The following OGFOD3 variants were observed in gnomAD, a reference collection of about 807,000 sequenced individuals.
OGFOD3 encodes the protein 2-oxoglutarate and iron-dependent oxygenase domain-containing protein 3.
A neutral mutation model predicts 39.8 loss-of-function variants in OGFOD3; 35 were observed. That is an observed-to-expected ratio of 0.88 (90% CI 0.67 to 1.17). The LOEUF (loss-of-function observed/expected upper bound fraction) is 1.17, where lower values mean the gene tolerates loss of function less well. Among genes scored for constraint, OGFOD3 ranks in the 50% most tolerant of loss-of-function variants. The pLI, the probability that OGFOD3 is intolerant of heterozygous loss-of-function variation, is 0.00. For synonymous variants in OGFOD3, 200 were observed against 192.0 expected (o/e 1.04, Z -0.34); for missense variants, 438 against 454.5 (o/e 0.96, Z 0.33).
At chr17:82,394,209 C>T (rs1437382948) in intron 8 of OGFOD3, 2 of 660,322 alleles carry the variant, frequency 3.0e-6, no homozygotes, top group African/African-American at 3.6e-5. Context: ...CCAGGATGGT[C>T]TCGATCTCCT....
chr17:82,394,766 G>A (rs1180872693), intron 8 of OGFOD3, among the ~76,000 whole-genome samples: 1 of 152,184 alleles, frequency 6.6e-6, no homozygotes, highest in Non-Finnish European at 1.5e-5. Flanking sequence ...GGTGGGACGT[G>A]GGCCACAGAG....
intron 8 of OGFOD3, among the ~76,000 whole-genome samples, chr17:82,397,825 AATCTT>A (rs2052699702): frequency 6.6e-6 from 1 of 152,090 alleles, no homozygotes. Context: ...GGCCTCGTCT[AATCTT>A]AGGTTGCGAG....
intron 7 of OGFOD3, 36 bp from the exon 8 acceptor site, chr17:82,398,355 C>G: frequency 6.2e-7 from 1 of 1,612,956 alleles, no homozygotes; most frequent in Non-Finnish European, 8.5e-7. Context: ...GCAGAATGGG[C>G]TCTCAGCATG....
intron 1 of OGFOD3, among the ~76,000 whole-genome samples, chr17:82,416,068 A>C (rs978944414): frequency 6.7e-6 from 1 of 148,280 alleles, no homozygotes; most frequent in African/African-American, 2.6e-5. Flanking sequence ...GTCTCTACTA[A>C]ATACAAAAAA....
intron 2 of OGFOD3, among the ~76,000 whole-genome samples, chr17:82,412,282 G>A (rs892663033): frequency 6.6e-6 from 1 of 151,846 alleles, no homozygotes; most frequent in Non-Finnish European, 1.5e-5. Flanking sequence ...AGGGTGGTCG[G>A]GGCAGGGGCA....
chr17:82,409,340 A>AG (rs773372479), intron 4 of OGFOD3, 28 bp downstream of exon 4: 21 of 1,610,438 alleles, frequency 1.3e-5, no homozygotes, highest in African/African-American at 2.7e-5. Context: ...GGGTAAAAAA[A>AG]GGGGGGCAGG....
chr17:82,406,371 T>C lies in OGFOD3; in HGVS notation c.488+47A>G. On this transcript the variant is annotated intron_variant, in intron 5 of 8. Coordinates refer to ENST00000313056, the MANE Select transcript of OGFOD3 (RefSeq NM_024648.3). This position sits in a 1 kb window ranked among gnomAD's most constrained non-coding sequence, Gnocchi z 5.2. ...CCATGGCTAAGAGGCACGGAGCCGC[T>C]CACTCGGCTTTCAGAGCCAGCACTG... 1 of 1,551,788 alleles carries C rather than the reference T, an allele frequency of 6.4e-7. No individual in the cohort carries two copies. Among genetic ancestry groups the C allele is most frequent in the Non-Finnish European group, 8.9e-7 (1 of 1,124,032 alleles).
intron 2 of OGFOD3, among the ~76,000 whole-genome samples, chr17:82,413,091 C>A (rs2052978415): frequency 6.6e-6 from 1 of 152,186 alleles, no homozygotes; most frequent in African/African-American, 2.4e-5. Flanking sequence ...GTTAAATGAT[C>A]TAATGGACAT....
At chr17:82,411,588 C>A (rs1322284598) in intron 2 of OGFOD3, 58 bp from the exon 3 acceptor site, 1 of 1,438,854 alleles carries the variant, frequency 6.9e-7, no homozygotes, top group East Asian at 2.3e-5. Context: ...GCATGCCCTT[C>A]CAGGGAATCA....
intron 2 of OGFOD3, among the ~76,000 whole-genome samples, chr17:82,411,912 C>T (rs1007755089): frequency 1.3e-5 from 2 of 152,150 alleles, no homozygotes; most frequent in Admixed American, 6.5e-5. Flanking sequence ...CCTCCTGAGA[C>T]CGCCAGAGAG....
rs755383091 is a variant in OGFOD3, at chr17:82,415,645, GC to G, written c.75-19del. The G allele has an allele frequency of 1.9e-6, 3 of 1,593,186 alleles. No homozygotes were observed. Among genetic ancestry groups the G allele is most frequent in the Non-Finnish European group, 1.7e-6 (2 of 1,166,548 alleles). On this transcript the variant is annotated intron_variant, in intron 1 of 8. Coordinates refer to ENST00000313056, the MANE Select transcript of OGFOD3 (RefSeq NM_024648.3). This position sits in a 1 kb window ranked among gnomAD's most constrained non-coding sequence, Gnocchi z 5.3. ...TCTTGGTGCTGAGAACAGAAAACAG[GC>G]CACGTCACCCAAACACGGAGTGAGG...
At chr17:82,403,581 G>A (rs1159028365) in intron 7 of OGFOD3, among the ~76,000 whole-genome samples, 4 of 152,050 alleles carry the variant, frequency 2.6e-5, no homozygotes, top group Admixed American at 6.5e-5. Context: ...GCAGTGAGCC[G>A]AATCGCGCCA....
At chr17:82,405,430 T>TGTTCATCTCCTTTCAGTTCAGCC in intron 5 of OGFOD3, 50 bp from the exon 6 acceptor site, 1 of 1,463,450 alleles carries the variant, frequency 6.8e-7, no homozygotes, top group Non-Finnish European at 9.6e-7. Flanking sequence ...ATTAATCTGT[T>TGTTCATCTCCTTTCAGTTCAGCC]GTTCATCTCC....
Position 82,390,101 on chromosome 17 carries a change from G to GTT in OGFOD3, c.*2296_*2297insAA, listed in dbSNP as rs1396917787. 2.0e-5 allele frequency: 3 copies of GTT among 152,160 alleles called. No homozygotes were observed. Among genetic ancestry groups the GTT allele is most frequent in the Non-Finnish European group, 4.4e-5 (3 of 68,016 alleles). The allele number at this position is 152,160 out of a possible 1,614,324, so 9.4% of individuals were successfully genotyped here. On this transcript the variant is annotated 3_prime_UTR_variant, in exon 9 of 9. Coordinates refer to ENST00000313056, the MANE Select transcript of OGFOD3 (RefSeq NM_024648.3). The surrounding 1 kb of genome is among the most constrained non-coding windows in gnomAD (Gnocchi z 4.9). ...TATCTCTGTGATTATCATGAATAGT[G>GTT]TAAGTAGCCAAGAATGAAAATCAAA...
chr17:82,401,822 A>AC (rs2052771103), intron 7 of OGFOD3, among the ~76,000 whole-genome samples: 1 of 144,704 alleles, frequency 6.9e-6, no homozygotes, highest in South Asian at 2.4e-4. Flanking sequence ...AAAAAAAAAA[A>AC]ACAAAGACTG....
At chr17:82,401,803 C>CAAAAAAAAAAAA (rs79956747) in intron 7 of OGFOD3, among the ~76,000 whole-genome samples, 72 of 61,668 alleles carry the variant, frequency 1.2e-3, no homozygotes, top group Middle Eastern at 7.9e-3. Context: ...GACTCCATCT[C>CAAAAAAAAAAAA]AAAAAAAAAA....
intron 7 of OGFOD3, 67 bp from the exon 8 acceptor site, chr17:82,398,386 T>C: frequency 6.3e-7 from 1 of 1,579,622 alleles, no homozygotes; most frequent in Non-Finnish European, 8.6e-7. Flanking sequence ...AGGTGCTGCT[T>C]CTCTCTCTTA....
At chr17:82,413,696 CA>C (rs543959386) in intron 2 of OGFOD3, among the ~76,000 whole-genome samples, 1 of 152,094 alleles carries the variant, frequency 6.6e-6, no homozygotes, top group South Asian at 2.1e-4. Flanking sequence ...ATAGGCAAAA[CA>C]CCGTCTCTAC....
Position 82,406,565 on chromosome 17 carries a change from T to C in OGFOD3, c.424-83A>G, listed in dbSNP as rs2143256113. 8.3e-7 allele frequency: 1 copy of C among 1,210,406 alleles called. No individual in the cohort carries two copies. The highest frequency in any genetic ancestry group is 1.5e-5 in the African/African-American group (1 of 67,148). The allele number at this position is 1,210,406 out of a possible 1,614,324, so 75.0% of individuals were successfully genotyped here. ...AAGTCATGGATGGTAAATGCGAGTTTCCAAGGTCTGGCCAGCACACACCTC... is the reference window on the plus strand; with the variant it reads ...AAGTCATGGATGGTAAATGCGAGTTCCCAAGGTCTGGCCAGCACACACCTC... On this transcript the variant is annotated intron_variant, in intron 4 of 8. Coordinates refer to ENST00000313056, the MANE Select transcript of OGFOD3 (RefSeq NM_024648.3). The surrounding 1 kb of genome is among the most constrained non-coding windows in gnomAD (Gnocchi z 5.2).
Sources: allele counts gnomAD v4.1 joint callset (sites outside exome capture counted in the v4.1 genomes callset), GRCh38; gene constraint gnomAD v4.1.1; non-coding constraint Gnocchi (gnomAD v3.1); transcripts MANE v1.5; gene names NCBI Gene and HGNC (gene_info 2026-07-23, HGNC 2026-07-21).